The following NUP85 variants were observed in gnomAD, a reference collection of about 807,000 sequenced individuals.
NUP85 encodes nucleoporin 85.
Under a neutral mutation model 92.8 loss-of-function variants are expected in NUP85, and 23 were observed. That is an observed-to-expected ratio of 0.25 (90% CI 0.18 to 0.35). NUP85 has a LOEUF of 0.35. Among genes scored for constraint, NUP85 ranks in the 10% least tolerant of loss-of-function variants. The pLI is 1.00. For missense variants in NUP85, 759 were observed against 822.8 expected (o/e 0.92, Z 0.95); for synonymous variants, 314 against 306.9 (o/e 1.02, Z -0.24).
intron 3 of NUP85, among the ~76,000 whole-genome samples, chr17:75,210,658 C>T (rs1408619690): frequency 6.6e-6 from 1 of 152,166 alleles, no homozygotes; most frequent in African/African-American, 2.4e-5. Context: ...GGACAAGACT[C>T]AGGTCAGCTT....
chr17:75,231,214 C>A lies in NUP85; in HGVS notation c.1095-126C>A. On this transcript the variant is annotated intron_variant, in intron 11 of 18. Transcript: ENST00000245544. This position sits in a 1 kb window ranked among gnomAD's most constrained non-coding sequence, Gnocchi z 4.6. ...AAAGTACTGGGATCACGGGCATGAG[C>A]TATCATCACGCCCGGCCCCATCTCT... 1 of 870,176 alleles carries A rather than the reference C, an allele frequency of 1.1e-6. No individual in the cohort carries two copies. The highest frequency in any genetic ancestry group is 2.3e-4 in the Middle Eastern group (1 of 4,316). The allele number at this position is 870,176 out of a possible 1,614,324, so 53.9% of individuals were successfully genotyped here. A position where few individuals can be genotyped will look rare whatever the true frequency, so the allele number is the denominator to read the frequency against.
In NUP85 at chr17:75,223,970, C is replaced by A. The variant is rs1389704826; in HGVS notation, c.598-1133C>A. 2.0e-5 allele frequency among the ~76,000 whole-genome samples: 3 copies of A among 152,070 alleles called. No homozygotes were observed. The East Asian group carries it at 5.8e-4, about 29-fold the overall frequency. On this transcript the variant is annotated intron_variant, in intron 7 of 18. Transcript: ENST00000245544. ...GACTCATCTCATGTGTAATTCCTGG[C>A]AGACCCAGCTTGGTTCTTCTCCAGT... is the stretch of plus-strand genomic sequence containing the variant.
At chr17:75,207,252 C>G (rs1033174973) in intron 1 of NUP85, among the ~76,000 whole-genome samples, 2 of 151,736 alleles carry the variant, frequency 1.3e-5, no homozygotes, top group East Asian at 3.9e-4. Flanking sequence ...GGTGCGGTCT[C>G]GGCTCTCTGC....
intron 7 of NUP85, among the ~76,000 whole-genome samples, chr17:75,220,498 G>A (rs924368024): frequency 4.0e-5 from 6 of 151,200 alleles, no homozygotes; most frequent in African/African-American, 1.2e-4. Flanking sequence ...CTGTAGCCTT[G>A]GCCTCCAGGT....
At chr17:75,234,141 TC>T (rs2076228459) in intron 16 of NUP85, among the ~76,000 whole-genome samples, 2 of 149,262 alleles carry the variant, frequency 1.3e-5, no homozygotes, top group Non-Finnish European at 3.0e-5. Flanking sequence ...AACCTCCACC[TC>T]CCGGGTTCAA....
At chr17:75,235,434 G>C (rs750906706) in intron 18 of NUP85, 144 bp from the exon 19 acceptor site, 4 of 631,230 alleles carry the variant, frequency 6.3e-6, no homozygotes. Flanking sequence ...TGGCCCTTTG[G>C]TATTGCTTTC....
Position 75,222,041 on chromosome 17 carries a change from TTTTGTTTG to T in NUP85, c.598-3046_598-3039del, listed in dbSNP as rs3047550. 6.0e-4 allele frequency among the ~76,000 whole-genome samples: 90 copies of T among 151,136 alleles called. No homozygotes were observed. In the South Asian group the frequency reaches 9.6e-3, roughly 16 times the overall value. ...TTCTCTCGTGTGTGTGTGTGTTTTGTTTTGTTTGTTTGTTTGTTTGTTTTGAGACAAAG... is the reference window on the plus strand; with the variant it reads ...TTCTCTCGTGTGTGTGTGTGTTTTGTTTTGTTTGTTTGTTTTGAGACAAAG... On this transcript the variant is annotated intron_variant, in intron 7 of 18. Transcript: ENST00000245544.
chr17:75,231,948 G>C lies in NUP85; in HGVS notation c.1365G>C (p.Arg455=). The change falls in exon 14 of 19, where the codon CGG becomes CGC. Residue 455 remains arginine, a synonymous_variant. Transcript: ENST00000245544. This position sits in a 1 kb window ranked among gnomAD's most constrained non-coding sequence, Gnocchi z 4.6. The part of the protein sequence containing the change: ...NTEQKALKVL[R]ICEQRQMTEQ... ...AGCAGAAAGCCCTGAAGGTGCTGCGGATCTGTGAGCAGCGGCAGATGACTG... is the reference window on the plus strand; with the variant it reads ...AGCAGAAAGCCCTGAAGGTGCTGCGCATCTGTGAGCAGCGGCAGATGACTG... The C allele has an allele frequency of 6.2e-7, 1 of 1,614,208 alleles. No individual in the cohort carries two copies. The highest frequency in any genetic ancestry group is 8.5e-7 in the Non-Finnish European group (1 of 1,180,036).
chr17:75,206,834 A>G (rs1166654742), intron 1 of NUP85, among the ~76,000 whole-genome samples: 1 of 151,420 alleles, frequency 6.6e-6, no homozygotes, highest in Non-Finnish European at 1.5e-5. Flanking sequence ...AGTAGCTGGG[A>G]CTACAGGTGC....
At chr17:75,234,049 CTTCT>C (rs1348114093) in intron 16 of NUP85, among the ~76,000 whole-genome samples, 73 of 96,854 alleles carry the variant, frequency 7.5e-4, no homozygotes, top group Admixed American at 1.6e-3. Flanking sequence ...CTCCATGTTT[CTTCT>C]TTTTTTTTTT....
intron 5 of NUP85, 146 bp downstream of exon 5, chr17:75,213,265 T>C (rs2145288783): frequency 3.0e-6 from 2 of 664,218 alleles, no homozygotes. Context: ...GTGATTGTCT[T>C]GCCCCCTTCA....
chr17:75,229,206 A>G, intron 11 of NUP85: 1 of 975,656 alleles, frequency 1.0e-6, no homozygotes, highest in Non-Finnish European at 1.2e-6. Flanking sequence ...TCTGACTTGT[A>G]TTTTGGCCCA....
Sources: allele counts gnomAD v4.1 joint callset (sites outside exome capture counted in the v4.1 genomes callset), GRCh38; gene constraint gnomAD v4.1.1; non-coding constraint Gnocchi (gnomAD v3.1); transcripts MANE v1.5; gene names NCBI Gene and HGNC (gene_info 2026-07-23, HGNC 2026-07-21).